Variants in KIAA0232 observed in about 807,000 individuals in gnomAD.
KIAA0232 encodes the protein uncharacterized protein KIAA0232.
A neutral mutation model predicts 122.0 loss-of-function variants in KIAA0232; 27 were observed. That is an observed-to-expected ratio of 0.22 (90% CI 0.16 to 0.31). The LOEUF (loss-of-function observed/expected upper bound fraction) is 0.31, where lower values mean the gene tolerates loss of function less well. KIAA0232 is among the 10% of genes least tolerant of loss of function. KIAA0232 has a pLI of 1.00. For missense variants in KIAA0232, 1,551 were observed against 1,634.2 expected, an observed-to-expected ratio of 0.95 and a Z score of 0.88; for synonymous variants, 613 against 587.6, an observed-to-expected ratio of 1.04 and a Z score of -0.63.
chr4:6,842,238 A>T, intron 4 of KIAA0232, 34 bp downstream of exon 4: 1 of 1,554,550 alleles, frequency 6.4e-7, no homozygotes, highest in South Asian at 1.2e-5. Context: ...CACTTAAGAG[A>T]ATAAAAGAAG....
At chr4:6,853,859 A>C (rs1231507002) in intron 4 of KIAA0232, among the ~76,000 whole-genome samples, 1 of 152,200 alleles carries the variant, frequency 6.6e-6, no homozygotes, top group Non-Finnish European at 1.5e-5. Flanking sequence ...CAGGGAACAA[A>C]TAAGACCCTC....
intron 1 of KIAA0232, among the ~76,000 whole-genome samples, chr4:6,790,030 A>G (rs1716819367): frequency 6.6e-6 from 1 of 152,164 alleles, no homozygotes; most frequent in African/African-American, 2.4e-5. Flanking sequence ...CCCTGTCTCA[A>G]GAAAAAAAAA....
intron 3 of KIAA0232, among the ~76,000 whole-genome samples, chr4:6,840,351 A>G (rs761032605): frequency 5.9e-5 from 9 of 152,160 alleles, no homozygotes; most frequent in African/African-American, 1.9e-4. Context: ...GGCCAAAGGG[A>G]TGATGGGGGT....
chr4:6,795,362 G>A (rs1162644321), intron 1 of KIAA0232, among the ~76,000 whole-genome samples: 9 of 152,110 alleles, frequency 5.9e-5, no homozygotes, highest in Admixed American at 3.3e-4. Context: ...GTGAGCCACC[G>A]CGCCCGGCCC....
intron 3 of KIAA0232, among the ~76,000 whole-genome samples, chr4:6,836,978 C>T (rs865969908): frequency 6.6e-6 from 1 of 152,208 alleles, no homozygotes; most frequent in Admixed American, 6.5e-5. Context: ...TCTGATCTCC[C>T]TTTCTTTTCC....
At chr4:6,865,593 G>C (rs768010172) in intron 7 of KIAA0232, among the ~76,000 whole-genome samples, 1 of 152,146 alleles carries the variant, frequency 6.6e-6, no homozygotes, top group Non-Finnish European at 1.5e-5. Context: ...GAGCCACCGC[G>C]TCCGGCCCAG....
At chr4:6,818,173 C>G (rs1718226884) in intron 2 of KIAA0232, among the ~76,000 whole-genome samples, 1 of 152,022 alleles carries the variant, frequency 6.6e-6, no homozygotes. Flanking sequence ...GAGGCCGAGG[C>G]TGGTGGATCA....
chr4:6,800,293 G>A (rs1302807481), intron 1 of KIAA0232, among the ~76,000 whole-genome samples: 1 of 145,632 alleles, frequency 6.9e-6, no homozygotes, highest in African/African-American at 2.5e-5. Context: ...CCTGACCTCA[G>A]GTGATCTGCC....
At chr4:6,839,466 A>G (rs1719526024) in intron 3 of KIAA0232, among the ~76,000 whole-genome samples, 1 of 152,212 alleles carries the variant, frequency 6.6e-6, no homozygotes, top group Non-Finnish European at 1.5e-5. Context: ...TAAAACTGAC[A>G]TTTCTGCTTT....
intron 3 of KIAA0232, among the ~76,000 whole-genome samples, chr4:6,837,475 G>A (rs895691229): frequency 2.6e-5 from 4 of 152,110 alleles, no homozygotes; most frequent in East Asian, 1.9e-4. Context: ...GACGATGGGC[G>A]GCTGGGCAGA....
rs1163423214 is a variant in KIAA0232 at position 6,855,636 on chromosome 4, C to T, written c.370-1528C>T. Reference sequence around the variant, plus strand: ...TATGTAATTAATTTCTAAGACAAAGCATGAAAAAATACGTAGTCACTAGGT... The same window carrying T: ...TATGTAATTAATTTCTAAGACAAAGTATGAAAAAATACGTAGTCACTAGGT... On this transcript the variant is annotated intron_variant, in intron 4 of 9. Transcript: ENST00000307659. The surrounding 1 kb of genome is among the most constrained non-coding windows in gnomAD (Gnocchi z 4.3). 2.0e-5 allele frequency among the ~76,000 whole-genome samples: 3 copies of T among 151,884 alleles called. No individual in the cohort carries two copies. Among genetic ancestry groups the T allele is most frequent in the Admixed American group, 2.0e-4 (3 of 15,258 alleles).
rs903182535 is a variant in KIAA0232 at position 6,863,405 on chromosome 4, G to C, written c.3023G>C (p.Gly1008Ala). The change falls in exon 7 of 10, where the codon GGG becomes GCG. Residue 1008 changes from glycine (G) to alanine (A), a missense_variant. Physicochemically the swap from Gly to Ala is moderately conservative, Grantham distance 60. This residue lies in a region of KIAA0232 where 1,108 missense variants were observed against 1,154.8 expected (regional missense o/e 0.96). Coordinates refer to ENST00000307659, the MANE Select transcript of KIAA0232 (RefSeq NM_014743.3). ...QNDQPKSGEN[G>A]LNKGFSFIFH... is the part of the protein sequence containing the mutation. ...GATCAGCCGAAGAGTGGGGAAAATG[G>C]GTTAAATAAGGGATTTTCTTTTATC... 6.2e-7 allele frequency: 1 copy of C among 1,614,082 alleles called. No homozygotes were observed. The highest frequency in any genetic ancestry group is 8.5e-7 in the Non-Finnish European group (1 of 1,180,024).
At chr4:6,814,396 A>G (rs887324109) in intron 2 of KIAA0232, among the ~76,000 whole-genome samples, 3 of 151,412 alleles carry the variant, frequency 2.0e-5, no homozygotes, top group African/African-American at 4.8e-5. Context: ...TTTTTTAAGG[A>G]TAGTAAAGAA....
At chr4:6,783,338 C>T (rs1186091182) in intron 1 of KIAA0232, among the ~76,000 whole-genome samples, 2 of 152,216 alleles carry the variant, frequency 1.3e-5, no homozygotes, top group East Asian at 3.9e-4. Flanking sequence ...ACGATGAGTC[C>T]GCACAATGGG....
chr4:6,820,514 C>A (rs186781883), intron 2 of KIAA0232, among the ~76,000 whole-genome samples: 29 of 152,192 alleles, frequency 1.9e-4, no homozygotes, highest in Admixed American at 5.9e-4. Flanking sequence ...TTATTAACAG[C>A]TATGTTATTA....
At chr4:6,841,585 TAGGTA>T (rs1719664622) in intron 3 of KIAA0232, among the ~76,000 whole-genome samples, 1 of 152,166 alleles carries the variant, frequency 6.6e-6, no homozygotes, top group Non-Finnish European at 1.5e-5. Flanking sequence ...AGAGGGCAGT[TAGGTA>T]AGGAAAAGAC....
rs1297730850 is a variant in KIAA0232 at position 6,857,288 on chromosome 4, A to T, written c.436+58A>T. On this transcript the variant is annotated intron_variant, in intron 5 of 9. Coordinates refer to ENST00000307659, the MANE Select transcript of KIAA0232 (RefSeq NM_014743.3). ...AGGATTACATCCCTGAGGAATCTGGATTGGGGAAAATCTTAGAATTGATCA... is the reference window on the plus strand; with the variant it reads ...AGGATTACATCCCTGAGGAATCTGGTTTGGGGAAAATCTTAGAATTGATCA... 5 of 1,431,570 alleles carry T rather than the reference A, an allele frequency of 3.5e-6. No individual in the cohort carries two copies. In the African/African-American group the frequency reaches 7.2e-5, roughly 21 times the overall value. The allele number at this position is 1,431,570 out of a possible 1,614,324, so 88.7% of individuals were successfully genotyped here.
chr4:6,847,350 C>G (rs1462918922), intron 4 of KIAA0232, among the ~76,000 whole-genome samples: 1 of 152,242 alleles, frequency 6.6e-6, no homozygotes, highest in East Asian at 1.9e-4. Context: ...CGTGCCTCCA[C>G]TTTATCCTTG....
At position 6,820,702 on chromosome 4, in the gene KIAA0232, G is replaced by T. The variant is rs1718383487; in HGVS notation, c.-269-3483G>T. ...TTTGTTTAAGCAATTGTCTTTTAAA[G>T]ATATTTAAATAATAAGACAAATGTT... On this transcript the variant is annotated intron_variant, in intron 2 of 9. Coordinates refer to ENST00000307659, the MANE Select transcript of KIAA0232 (RefSeq NM_014743.3). Among the ~76,000 whole-genome samples, 19 of 152,138 alleles carry T rather than the reference G, an allele frequency of 1.2e-4. 1 individual carries two copies. The South Asian group carries it at 3.8e-3, about 31-fold the overall frequency.
Sources: allele counts gnomAD v4.1 joint callset (sites outside exome capture counted in the v4.1 genomes callset), GRCh38; gene constraint gnomAD v4.1.1; regional missense constraint gnomAD v4.1.1; non-coding constraint Gnocchi (gnomAD v3.1); transcripts MANE v1.5; gene names NCBI Gene and HGNC (gene_info 2026-07-23, HGNC 2026-07-21).